Variants in PER2 observed in about 807,000 individuals in gnomAD.
PER2 encodes the protein period circadian regulator 2.
In PER2, 66 loss-of-function variants were observed where a neutral mutation model predicts 121.0. The ratio of observed to expected loss-of-function variants is 0.55; its 90% CI spans 0.45 to 0.67. The LOEUF is 0.67. Among genes scored for constraint, PER2 ranks in the 30% least tolerant of loss-of-function variants. The pLI is 0.00. For synonymous variants in PER2, 684 were observed against 659.9 expected, an observed-to-expected ratio of 1.04 and a Z score of -0.56; for missense variants, 1,521 against 1,635.0, an observed-to-expected ratio of 0.93 and a Z score of 1.20.
At position 238,250,658 on chromosome 2, in the gene PER2, A is replaced by G; in HGVS notation, c.3360T>C (p.Gly1120=). 2.5e-6 allele frequency: 4 copies of G among 1,612,924 alleles called. No homozygotes were observed. Among genetic ancestry groups the G allele is most frequent in the Non-Finnish European group, 3.4e-6 (4 of 1,178,864 alleles). ...TAATGAAATGCTCACTTTCTTCCAT[A>G]CCAGTGTTCATTTTTGCTTTGTGAT... The part of the protein sequence containing the change: ...ENNHKAKMNT[G]MEESEHFIKC... Residue 1120 remains glycine (G), a synonymous_variant, in exon 21 of 23, where the codon GGT becomes GGC. Coordinates refer to ENST00000254657, the MANE Select transcript of PER2 (RefSeq NM_022817.3).
At chr2:238,282,815 T>C (rs914943016) in intron 1 of PER2, among the ~76,000 whole-genome samples, 6 of 152,066 alleles carry the variant, frequency 3.9e-5, no homozygotes, top group African/African-American at 1.2e-4. Context: ...CAAGTGGGAA[T>C]TGAGGGGCTG....
chr2:238,272,587 G>A (rs184018767), intron 5 of PER2, among the ~76,000 whole-genome samples: 5 of 152,368 alleles, frequency 3.3e-5, no homozygotes, highest in South Asian at 2.1e-4. Context: ...TGTTCTCACC[G>A]GCTGAGAACT....
intron 22 of PER2, among the ~76,000 whole-genome samples, chr2:238,246,741 T>C (rs1695462555): frequency 6.6e-6 from 1 of 152,186 alleles, no homozygotes; most frequent in Non-Finnish European, 1.5e-5. Context: ...CTGGGCGTGG[T>C]GGCAGGCACC....
intron 1 of PER2, among the ~76,000 whole-genome samples, chr2:238,286,158 C>G (rs1370815832): frequency 1.3e-5 from 2 of 152,188 alleles, no homozygotes; most frequent in Non-Finnish European, 2.9e-5. Context: ...AAAGTGTCAG[C>G]CTCCTAGCTC....
intron 9 of PER2, among the ~76,000 whole-genome samples, chr2:238,264,878 G>A (rs1468703921): frequency 6.6e-6 from 1 of 152,222 alleles, no homozygotes; most frequent in Non-Finnish European, 1.5e-5. Flanking sequence ...GGCCTCAAGT[G>A]ATGCTCCTAT....
chr2:238,255,365 G>T, intron 18 of PER2: 1 of 507,014 alleles, frequency 2.0e-6, no homozygotes, highest in Non-Finnish European at 3.6e-6. Context: ...TGCCCACATG[G>T]TTACTCAGGC....
At chr2:238,298,074 C>G in the PER2 span, among the ~76,000 whole-genome samples, 1 of 151,176 alleles carries the variant, frequency 6.6e-6, no homozygotes, top group Non-Finnish European at 1.5e-5. Context: ...GCTCTGTCCC[C>G]CAGGCTCTAG....
Position 238,268,302 on chromosome 2 carries a change from G to T in PER2, c.825-104C>A. 8.3e-7 allele frequency: 1 copy of T among 1,199,656 alleles called. No individual in the cohort carries two copies. The highest frequency in any genetic ancestry group is 1.2e-6 in the Non-Finnish European group (1 of 830,308). The allele number at this position is 1,199,656 out of a possible 1,614,324, so 74.3% of individuals were successfully genotyped here. A position where few individuals can be genotyped will look rare whatever the true frequency, so the allele number is the denominator to read the frequency against. ...CCCCATGCCATGCTGCAGGTGATGTGTACCTCTGCTCTGCCTGAGGAGCTG... is the reference window on the plus strand; with the variant it reads ...CCCCATGCCATGCTGCAGGTGATGTTTACCTCTGCTCTGCCTGAGGAGCTG... On this transcript the variant is annotated intron_variant, in intron 7 of 22. Transcript: ENST00000254657. The surrounding 1 kb of genome is among the most constrained non-coding windows in gnomAD (Gnocchi z 4.0).
chr2:238,254,811 GGAA>G (rs952743109), intron 18 of PER2: 34 of 152,366 alleles, frequency 2.2e-4, no homozygotes, highest in African/African-American at 7.7e-4. Context: ...TTGAATCTGG[GGAA>G]GAAGGAGAGA....
chr2:238,251,569 G>A lies in PER2; in HGVS notation c.3274+30C>T, dbSNP rs186680582. The A allele has an allele frequency of 3.1e-6, 5 of 1,608,956 alleles. No homozygotes were observed. In the African/African-American group the frequency reaches 6.7e-5, roughly 21 times the overall value. ...AGTGCATCCTGCAGGAACCTCCCAA[G>A]TGCCTAACACCCCGCCAGGGCCAAC... On this transcript the variant is annotated intron_variant, in intron 20 of 22. Transcript: ENST00000254657.
In PER2 at chr2:238,245,559, A is replaced by G. The variant is rs1026299768; in HGVS notation, c.*816T>C. ...GTGTTGGTCACAGCCTGGTTTGCAA[A>G]GGGAAGTCACCATAAAGAGATGACT... On this transcript the variant is annotated 3_prime_UTR_variant, in exon 23 of 23. Coordinates refer to ENST00000254657, the MANE Select transcript of PER2 (RefSeq NM_022817.3). 4 of 398,524 alleles carry G rather than the reference A, an allele frequency of 1.0e-5. No homozygotes were observed. Among genetic ancestry groups the G allele is most frequent in the African/African-American group, 6.2e-5 (3 of 48,634 alleles). The allele number at this position is 398,524 out of a possible 1,614,324, so 24.7% of individuals were successfully genotyped here.
chr2:238,261,468 G>T, intron 12 of PER2: 4 of 543,282 alleles, frequency 7.4e-6, no homozygotes, highest in Non-Finnish European at 1.0e-5. Flanking sequence ...CAGAGCACGG[G>T]GTCTGCACAC....
At chr2:238,265,904 ATTT>A (rs759618918) in intron 8 of PER2, among the ~76,000 whole-genome samples, 5 of 140,710 alleles carry the variant, frequency 3.6e-5, no homozygotes, top group African/African-American at 2.6e-5. Flanking sequence ...CATCTTTACG[ATTT>A]TTTTTTTTTT....
intron 6 of PER2, among the ~76,000 whole-genome samples, chr2:238,271,086 T>A (rs1696268606): frequency 6.6e-6 from 1 of 152,224 alleles, no homozygotes; most frequent in Non-Finnish European, 1.5e-5. Flanking sequence ...TGCCTAACGG[T>A]TTTCTCTCTC....
chr2:238,272,766 C>G (rs775779996), intron 5 of PER2, among the ~76,000 whole-genome samples: 4 of 152,216 alleles, frequency 2.6e-5, no homozygotes, highest in Non-Finnish European at 4.4e-5. Context: ...TGTCTCCTCA[C>G]CTCGAGGACA....
In PER2 at chr2:238,258,569, G is replaced by A. The variant is rs1695832644; in HGVS notation, c.1703C>T (p.Pro568Leu). The A allele has an allele frequency of 6.2e-7, 1 of 1,614,036 alleles. No homozygotes were observed. Among genetic ancestry groups the A allele is most frequent in the African/African-American group, 1.3e-5 (1 of 74,930 alleles). Residue 568 changes from proline (P) to leucine (L), a missense_variant, in exon 15 of 23, where the codon CCC (proline) becomes CTC (leucine). Pro to Leu is a moderately conservative substitution (Grantham distance 98). Coordinates refer to ENST00000254657, the MANE Select transcript of PER2 (RefSeq NM_022817.3). ...CTGGTTCTTGCAGGCCAACTCCTCG[G>A]GGAAGCTGACCCCCAGGCTGTCCTT... is the stretch of plus-strand genomic sequence containing the variant. ...MEKDSLGVSF[P>L]EELACKNQPT...
chr2:238,297,997 C>T, the PER2 span, among the ~76,000 whole-genome samples: 1 of 151,862 alleles, frequency 6.6e-6, no homozygotes, highest in East Asian at 1.9e-4. Flanking sequence ...ACTCTCCCTG[C>T]CCTGGGATTG....
chr2:238,287,361 T>C (rs1696819396), intron 1 of PER2, among the ~76,000 whole-genome samples: 1 of 152,216 alleles, frequency 6.6e-6, no homozygotes, highest in Non-Finnish European at 1.5e-5. Context: ...AAATAAAGCC[T>C]TCAGGTAGAG....
intron 16 of PER2, 86 bp downstream of exon 16, chr2:238,258,190 G>A: frequency 7.0e-7 from 1 of 1,426,664 alleles, no homozygotes; most frequent in Non-Finnish European, 9.9e-7. Context: ...CTTACACTGT[G>A]TCCACAGAAG....
Sources: allele counts gnomAD v4.1 joint callset (sites outside exome capture counted in the v4.1 genomes callset), GRCh38; gene constraint gnomAD v4.1.1; non-coding constraint Gnocchi (gnomAD v3.1); transcripts MANE v1.5; gene names NCBI Gene and HGNC (gene_info 2026-07-23, HGNC 2026-07-21).